LUZP2: variants seen among roughly 807,000 people sequenced by gnomAD.
The protein encoded by LUZP2 is leucine zipper protein 2.
Under a neutral mutation model 51.6 loss-of-function variants are expected in LUZP2, and 52 were observed. That is an observed-to-expected ratio of 1.01 (90% CI 0.81 to 1.27). The LOEUF (loss-of-function observed/expected upper bound fraction) is 1.27. Ranked by LOEUF, LUZP2 falls within the 50% of genes most tolerant of loss-of-function variation. LUZP2 has a pLI of 0.00. For missense variants in LUZP2, 436 were observed against 395.4 expected (o/e 1.10, Z -0.87); for synonymous variants, 154 against 137.3 (o/e 1.12, Z -0.85).
chr11:24,995,426 T>C (rs979934820), intron 9 of LUZP2, among the ~76,000 whole-genome samples: 1 of 152,080 alleles, frequency 6.6e-6, no homozygotes. Flanking sequence ...ATAACATATA[T>C]TTATGCATAT....
chr11:24,574,785 C>T (rs1852588989), intron 1 of LUZP2, among the ~76,000 whole-genome samples: 1 of 152,042 alleles, frequency 6.6e-6, no homozygotes, highest in African/African-American at 2.4e-5. Context: ...CACTGCATTT[C>T]AAAACGATGG....
intron 1 of LUZP2, among the ~76,000 whole-genome samples, chr11:24,644,626 C>T (rs1434872719): frequency 6.6e-6 from 1 of 151,892 alleles, no homozygotes; most frequent in Non-Finnish European, 1.5e-5. Context: ...AAAGTGCAAT[C>T]AAATGGAGGA....
chr11:25,064,565 A>G (rs746070630), intron 10 of LUZP2, among the ~76,000 whole-genome samples: 3 of 152,132 alleles, frequency 2.0e-5, no homozygotes, highest in African/African-American at 7.2e-5. Flanking sequence ...CTAAATTAGC[A>G]TACCTACTCT....
chr11:24,784,286 A>G (rs758284096), intron 5 of LUZP2, among the ~76,000 whole-genome samples: 22 of 151,676 alleles, frequency 1.5e-4, no homozygotes, highest in Non-Finnish European at 2.7e-4. Flanking sequence ...TTTATTTTTT[A>G]TTACCATTAA....
chr11:24,928,518 T>A (rs1011488486), intron 7 of LUZP2, among the ~76,000 whole-genome samples: 1 of 152,112 alleles, frequency 6.6e-6, no homozygotes, highest in Non-Finnish European at 1.5e-5. Flanking sequence ...TCTTCCTGTG[T>A]AATGTATCAC....
intron 10 of LUZP2, among the ~76,000 whole-genome samples, chr11:25,065,546 T>G (rs1992732): frequency 0.36 from 55,141 of 151,830 alleles, 12,409 homozygotes; most frequent in East Asian, 0.78. Context: ...ATTTAAGAAT[T>G]TAAACATTGA....
chr11:24,894,175 A>AT (rs35929813), intron 5 of LUZP2, among the ~76,000 whole-genome samples: 57,312 of 134,758 alleles, frequency 0.43, 13,733 homozygotes, highest in East Asian at 0.68. Flanking sequence ...AAAGTAATTC[A>AT]TTTTTTTTTT....
intron 1 of LUZP2, among the ~76,000 whole-genome samples, chr11:24,567,315 A>T (rs899646038): frequency 6.6e-6 from 1 of 152,114 alleles, no homozygotes. Flanking sequence ...AAAAAAGCAT[A>T]GAGAAAAATA....
chr11:24,711,195 A>G (rs1857802553), intron 1 of LUZP2, among the ~76,000 whole-genome samples: 2 of 152,302 alleles, frequency 1.3e-5, no homozygotes, highest in East Asian at 1.9e-4. Context: ...GATGCCTGTA[A>G]TCCCAGCACT....
At position 24,815,986 on chromosome 11, in the gene LUZP2, CTCTTA is replaced by C. The variant is rs1850168516; in HGVS notation, c.396+52683_396+52687del. On this transcript the variant is annotated intron_variant, in intron 5 of 11. Coordinates refer to ENST00000336930, the MANE Select transcript of LUZP2 (RefSeq NM_001009909.4). ...GTTTGTATTAGTGCATCTCTTTCAT[CTCTTA>C]TCTTCTTTTTTTTTTAAAAAAAAAA... is the stretch of plus-strand genomic sequence containing the variant. Among the ~76,000 whole-genome samples, 5 of 121,372 alleles carry C rather than the reference CTCTTA, an allele frequency of 4.1e-5. No homozygotes were observed. The South Asian group carries it at 1.5e-3, about 37-fold the overall frequency. 79.6% of individuals were successfully genotyped at this position (121,372 alleles called of 152,430 possible).
intron 10 of LUZP2, among the ~76,000 whole-genome samples, chr11:25,051,139 C>T (rs1858495992): frequency 1.3e-5 from 2 of 152,004 alleles, no homozygotes; most frequent in Non-Finnish European, 2.9e-5. Context: ...GTAAGTTAAA[C>T]AAGTGTTCTC....
rs181045346 is a variant in LUZP2, at chr11:24,620,982, C to T, written c.63-108187C>T. On this transcript the variant is annotated intron_variant, in intron 1 of 11. Transcript: ENST00000336930. ...CCTCCCTGGGCAACTTTACCCCTTCCCTGGAGCTCTTCCCCTTAAAACTCC... is the reference window on the plus strand; with the variant it reads ...CCTCCCTGGGCAACTTTACCCCTTCTCTGGAGCTCTTCCCCTTAAAACTCC... 2.0e-5 allele frequency among the ~76,000 whole-genome samples: 3 copies of T among 152,252 alleles called. No homozygotes were observed. In the East Asian group the frequency reaches 5.8e-4, roughly 29 times the overall value.
At chr11:24,975,044 T>C (rs1855848368) in intron 7 of LUZP2, among the ~76,000 whole-genome samples, 1 of 151,990 alleles carries the variant, frequency 6.6e-6, no homozygotes, top group Admixed American at 6.6e-5. Flanking sequence ...GTAAGCTGGG[T>C]TTATTGTAAA....
rs868298760 is a variant in LUZP2 at position 24,611,792 on chromosome 11, G to A, written c.62+114487G>A. On this transcript the variant is annotated intron_variant, in intron 1 of 11. Transcript: ENST00000336930. This position sits in a 1 kb window ranked among gnomAD's most constrained non-coding sequence, Gnocchi z 4.6. ...TATCACCATTATACAAATAAGAAAA[G>A]GGATACAAAGAGACATAACCGTAAT... Among the ~76,000 whole-genome samples the A allele has an allele frequency of 2.0e-5, 3 of 152,056 alleles. No homozygotes were observed. The highest frequency in any genetic ancestry group is 2.1e-4 in the South Asian group (1 of 4,818).
chr11:24,697,454 T>C (rs1020217258), intron 1 of LUZP2, among the ~76,000 whole-genome samples: 13 of 152,186 alleles, frequency 8.5e-5, no homozygotes, highest in Non-Finnish European at 4.4e-5. Context: ...ATTATTACAG[T>C]GTAAAAAATC....
intron 1 of LUZP2, among the ~76,000 whole-genome samples, chr11:24,619,823 A>G (rs1269377288): frequency 2.0e-5 from 3 of 152,178 alleles, no homozygotes; most frequent in Non-Finnish European, 2.9e-5. Flanking sequence ...AAAAAAGTCT[A>G]TACGTGTTCA....
At chr11:24,885,679 C>T (rs561508632) in intron 5 of LUZP2, among the ~76,000 whole-genome samples, 30 of 152,230 alleles carry the variant, frequency 2.0e-4, no homozygotes, top group African/African-American at 7.0e-4. Context: ...TCATGTTTCT[C>T]ATGCCCCTAA....
intron 1 of LUZP2, 35 bp downstream of exon 1, chr11:24,497,340 G>A (rs1008565405): frequency 6.9e-6 from 10 of 1,457,716 alleles, no homozygotes; most frequent in East Asian, 2.8e-5. Flanking sequence ...TGAGGCCAGG[G>A]GCGCTGCCGG....
chr11:24,772,363 A>G (rs1318115230), intron 5 of LUZP2, among the ~76,000 whole-genome samples: 2 of 152,208 alleles, frequency 1.3e-5, no homozygotes, highest in Non-Finnish European at 1.5e-5. Flanking sequence ...AACATGATAG[A>G]GTGCTTCAGG....
Sources: gnomAD v4.1 joint callset for allele counts (sites outside exome capture counted in the v4.1 genomes callset) on GRCh38, gnomAD v4.1.1 for gene constraint, Gnocchi (gnomAD v3.1) non-coding constraint, MANE v1.5 for transcripts, NCBI Gene and HGNC (gene_info 2026-07-23, HGNC 2026-07-21) for gene names.